The following MAPK14 variants were observed in gnomAD, a reference collection of about 807,000 sequenced individuals.
MAPK14 encodes CSAID-binding protein.
A neutral mutation model predicts 49.6 loss-of-function variants in MAPK14; 16 were observed. The ratio of observed to expected loss-of-function variants is 0.32; its 90% CI spans 0.22 to 0.49. The LOEUF is 0.49. Ranked by LOEUF, MAPK14 falls within the 20% of genes least tolerant of loss-of-function variation. The probability of loss-of-function intolerance (pLI) is 0.99; values close to 1 mark genes in which losing one functional copy is unlikely to be tolerated. For synonymous variants in MAPK14, 142 were observed against 158.0 expected, an observed-to-expected ratio of 0.90 and a Z score of 0.76; for missense variants, 200 against 441.2, an observed-to-expected ratio of 0.45 and a Z score of 4.90.
At chr6:36,119,489 C>T in the MAPK14 span, among the ~76,000 whole-genome samples, 1 of 152,052 alleles carries the variant, frequency 6.6e-6, no homozygotes, top group Admixed American at 6.5e-5. Context: ...TTTGTAATAG[C>T]AGGAAAAAAT....
Position 36,028,691 on chromosome 6 carries a change from C to T in MAPK14, c.116+418C>T, listed in dbSNP as rs1762409978. Among the ~76,000 whole-genome samples, 1 of 151,724 alleles carries T rather than the reference C, an allele frequency of 6.6e-6. No individual in the cohort carries two copies. The highest frequency in any genetic ancestry group is 1.5e-5 in the Non-Finnish European group (1 of 67,966). ...CCGGACCCTGGGTCCTCTGAGCAGA[C>T]AAGCTCGGGGAACTGCCGGGAGAAG... On this transcript the variant is annotated intron_variant, in intron 1 of 11. Transcript: ENST00000229794. The surrounding 1 kb of genome is among the most constrained non-coding windows in gnomAD (Gnocchi z 5.1).
chr6:36,106,717 C>G (rs562187198), intron 10 of MAPK14, among the ~76,000 whole-genome samples: 48 of 152,106 alleles, frequency 3.2e-4, no homozygotes, highest in Middle Eastern at 3.4e-3. Context: ...TATGAGTGTT[C>G]ACTTTATCAT....
At chr6:36,061,710 G>A (rs1763828988) in intron 3 of MAPK14, among the ~76,000 whole-genome samples, 1 of 152,160 alleles carries the variant, frequency 6.6e-6, no homozygotes, top group Non-Finnish European at 1.5e-5. Context: ...GTCTGGTTGG[G>A]GGAAACGAAT....
At chr6:36,069,538 G>T (rs1036163515) in intron 3 of MAPK14, among the ~76,000 whole-genome samples, 2 of 152,160 alleles carry the variant, frequency 1.3e-5, no homozygotes, top group Admixed American at 1.3e-4. Flanking sequence ...TAGTAGTAAT[G>T]CTTGATAGTT....
intron 11 of MAPK14, among the ~76,000 whole-genome samples, chr6:36,108,126 C>T (rs1369571484): frequency 2.0e-5 from 3 of 152,144 alleles, no homozygotes; most frequent in Non-Finnish European, 4.4e-5. Flanking sequence ...CATTCTTGAG[C>T]ACCTCCGTAG....
At chr6:36,103,536 G>T (rs1385151808) in intron 10 of MAPK14, among the ~76,000 whole-genome samples, 1 of 151,978 alleles carries the variant, frequency 6.6e-6, no homozygotes, top group Non-Finnish European at 1.5e-5. Context: ...TAGAGACAGG[G>T]TCTCACCATC....
At chr6:36,111,417 C>A (rs922622186), downstream of MAPK14, among the ~76,000 whole-genome samples, 1 of 152,138 alleles carries the variant, frequency 6.6e-6, no homozygotes, top group Non-Finnish European at 1.5e-5. Flanking sequence ...AAGTGAAGTT[C>A]AGGTTTTTTT....
intron 8 of MAPK14, among the ~76,000 whole-genome samples, chr6:36,094,745 CCT>C (rs1765380210): frequency 6.6e-6 from 1 of 152,132 alleles, no homozygotes; most frequent in African/African-American, 2.4e-5. Context: ...CAGAGTGGCC[CCT>C]GTCCTCGTAG....
At chr6:36,086,614 T>C (rs1764995643) in intron 8 of MAPK14, among the ~76,000 whole-genome samples, 1 of 152,104 alleles carries the variant, frequency 6.6e-6, no homozygotes, top group African/African-American at 2.4e-5. Flanking sequence ...AAACGTTGAA[T>C]CTACCAATAA....
At chr6:36,119,125 G>C in the MAPK14 span, among the ~76,000 whole-genome samples, 1 of 152,136 alleles carries the variant, frequency 6.6e-6, no homozygotes, top group East Asian at 1.9e-4. Flanking sequence ...TTTTAAATCT[G>C]GAAAACATCG....
At chr6:36,090,947 A>G (rs1272727428) in intron 8 of MAPK14, among the ~76,000 whole-genome samples, 1 of 152,226 alleles carries the variant, frequency 6.6e-6, no homozygotes, top group African/African-American at 2.4e-5. Flanking sequence ...TTACAGTGAA[A>G]ATGACTATTT....
rs111234964 is a variant in MAPK14 at position 36,028,791 on chromosome 6, CTTT to C, written c.116+537_116+539del. ...ACCAGGAAGGGAGCTCTCTCCGGGCCTTTTTTTTTTTTTTTTTTTTTCAAAACT... is the reference window on the plus strand; with the variant it reads ...ACCAGGAAGGGAGCTCTCTCCGGGCCTTTTTTTTTTTTTTTTTTCAAAACT... On this transcript the variant is annotated intron_variant, in intron 1 of 11. Transcript: ENST00000229794. This position sits in a 1 kb window ranked among gnomAD's most constrained non-coding sequence, Gnocchi z 5.1. Among the ~76,000 whole-genome samples, 2 of 100,386 alleles carry C rather than the reference CTTT, an allele frequency of 2.0e-5. No homozygotes were observed. The highest frequency in any genetic ancestry group is 3.5e-4 in the South Asian group (1 of 2,870). 65.9% of individuals were successfully genotyped at this position (100,386 alleles called of 152,430 possible).
chr6:36,085,620 A>C (rs1249238505), intron 8 of MAPK14, among the ~76,000 whole-genome samples: 12 of 152,224 alleles, frequency 7.9e-5, no homozygotes, highest in Admixed American at 7.9e-4. Context: ...AAAGCTAACT[A>C]TCCTAAATAT....
downstream of MAPK14, among the ~76,000 whole-genome samples, chr6:36,111,448 A>T (rs946404450): frequency 6.6e-6 from 1 of 152,162 alleles, no homozygotes; most frequent in Admixed American, 6.5e-5. Flanking sequence ...ATTTGAGACT[A>T]TCTATAAGCC....
rs1562090295 is a variant in MAPK14, at chr6:36,028,790, C to CTTTTTTTTTT, written c.116+517_116+518insTTTTTTTTTT. Among the ~76,000 whole-genome samples, 21 of 137,480 alleles carry CTTTTTTTTTT rather than the reference C, an allele frequency of 1.5e-4. No individual in the cohort carries two copies. The highest frequency in any genetic ancestry group is 5.7e-4 in the African/African-American group (20 of 35,314). The allele number at this position is 137,480 out of a possible 152,430, so 90.2% of individuals were successfully genotyped here. ...GACCAGGAAGGGAGCTCTCTCCGGG[C>CTTTTTTTTTT]CTTTTTTTTTTTTTTTTTTTTTCAA... On this transcript the variant is annotated intron_variant, in intron 1 of 11. Coordinates refer to ENST00000229794, the MANE Select transcript of MAPK14 (RefSeq NM_139012.3). This position sits in a 1 kb window ranked among gnomAD's most constrained non-coding sequence, Gnocchi z 5.1.
At chr6:36,041,309 T>C (rs1197320608) in intron 1 of MAPK14, among the ~76,000 whole-genome samples, 1 of 151,924 alleles carries the variant, frequency 6.6e-6, no homozygotes, top group Non-Finnish European at 1.5e-5. Flanking sequence ...CATCCATTGG[T>C]CAGTTTTTTC....
At chr6:36,039,245 T>G (rs1332708893) in intron 1 of MAPK14, among the ~76,000 whole-genome samples, 1 of 152,220 alleles carries the variant, frequency 6.6e-6, no homozygotes, top group Non-Finnish European at 1.5e-5. Context: ...ATCATCAGGT[T>G]GCAGAAAATA....
At chr6:36,061,999 G>A (rs956209819) in intron 3 of MAPK14, among the ~76,000 whole-genome samples, 4 of 151,912 alleles carry the variant, frequency 2.6e-5, no homozygotes, top group African/African-American at 9.7e-5. Flanking sequence ...TTTTGAGACA[G>A]CGTCTTGCCC....
chr6:36,118,715 A>G, the MAPK14 span, among the ~76,000 whole-genome samples: 2 of 152,184 alleles, frequency 1.3e-5, no homozygotes, highest in Admixed American at 1.3e-4. Context: ...AAACTCAGCC[A>G]CTCACAGCTC....
Sources: allele counts gnomAD v4.1 joint callset (sites outside exome capture counted in the v4.1 genomes callset), GRCh38; gene constraint gnomAD v4.1.1; non-coding constraint Gnocchi (gnomAD v3.1); transcripts MANE v1.5; gene names NCBI Gene and HGNC (gene_info 2026-07-23, HGNC 2026-07-21).